Variants in EP400 observed in about 807,000 individuals in gnomAD.
The protein encoded by EP400 is E1A binding protein p400.
In EP400, 105 loss-of-function variants were observed where a neutral mutation model predicts 354.1. That is an observed-to-expected ratio of 0.30 (90% confidence interval 0.25 to 0.35). EP400 has a LOEUF of 0.35. Among genes scored for constraint, EP400 ranks in the 10% least tolerant of loss-of-function variants. The probability of loss-of-function intolerance (pLI) is 1.00; values close to 1 mark genes in which losing one functional copy is unlikely to be tolerated. For synonymous variants in EP400, 1,646 were observed against 1,716.9 expected (o/e 0.96, Z 1.02); for missense variants, 3,280 against 4,121.0 (o/e 0.80, Z 5.59).
rs993027551 is a variant in EP400, at chr12:132,050,382, A to G, written c.7260A>G (p.Thr2420=). The change falls in exon 40 of 53, where the codon ACA becomes ACG. Residue 2420 remains threonine, a synonymous_variant. Transcript: ENST00000389561. The surrounding 1 kb of genome is among the most constrained non-coding windows in gnomAD (Gnocchi z 4.8). ...TCTATGCCCAGGATGAGAATGCCAC[A>G]CACACCCAGCTGTACACGAGCCACT... ...SQIYAQDENA[T]HTQLYTSHFD... The G allele has an allele frequency of 1.1e-5, 18 of 1,613,996 alleles. No homozygotes were observed. In the African/African-American group the frequency reaches 2.1e-4, roughly 19 times the overall value.
chr12:132,048,179 A>G (rs1895173931), intron 39 of EP400, among the ~76,000 whole-genome samples: 1 of 152,182 alleles, frequency 6.6e-6, no homozygotes, highest in Non-Finnish European at 1.5e-5. Flanking sequence ...GGCGACATAC[A>G]TCCCCCTCAG....
chr12:132,077,323 A>G, intron 52 of EP400, 78 bp from the exon 53 acceptor site: 1 of 1,529,526 alleles, frequency 6.5e-7, no homozygotes. Flanking sequence ...AGTCCTCCCC[A>G]TCCCAAAGAA....
intron 39 of EP400, among the ~76,000 whole-genome samples, chr12:132,048,465 T>G (rs1476673520): frequency 6.6e-6 from 1 of 152,126 alleles, no homozygotes; most frequent in Non-Finnish European, 1.5e-5. Context: ...TTATAGCTGA[T>G]TTATGAAGCT....
In EP400 at chr12:132,006,169, C is replaced by T. The variant is rs773257391; in HGVS notation, c.2993C>T (p.Ser998Leu). The T allele has an allele frequency of 1.2e-6, 2 of 1,614,208 alleles. No homozygotes were observed. The highest frequency in any genetic ancestry group is 2.2e-5 in the South Asian group (2 of 91,088). ...CGCAAGGACTTGGTTCTCATCGACT[C>T]GCTTTTCATCATGGATCAGTTCAAA... Reference protein sequence around the residue: ...ESRKDLVLIDSLFIMDQFKAA... With the variant: ...ESRKDLVLIDLLFIMDQFKAA... The change falls in exon 14 of 53, where the codon TCG (serine) becomes TTG (leucine). Residue 998 changes from serine (S) to leucine (L), a missense_variant. Physicochemically the swap from Ser to Leu is moderately radical, Grantham distance 145. Transcript: ENST00000389561.
intron 45 of EP400, among the ~76,000 whole-genome samples, chr12:132,060,962 G>A (rs1386160735): frequency 2.0e-5 from 3 of 151,812 alleles, no homozygotes; most frequent in African/African-American, 4.8e-5. Flanking sequence ...AAAAACAAGG[G>A]CAAAATAAAG....
At chr12:131,972,711 C>G (rs1333335895) in intron 2 of EP400, among the ~76,000 whole-genome samples, 1 of 148,354 alleles carries the variant, frequency 6.7e-6, no homozygotes, top group East Asian at 2.0e-4. Flanking sequence ...ATAATTTTAT[C>G]ACCCTAACAC....
rs781471006 is a variant in EP400, at chr12:132,013,692, A to G, written c.3786+28A>G. On this transcript the variant is annotated intron_variant, in intron 18 of 52. Coordinates refer to ENST00000389561, the MANE Select transcript of EP400 (RefSeq NM_015409.5). The surrounding 1 kb of genome is among the most constrained non-coding windows in gnomAD (Gnocchi z 4.5). Reference sequence around the variant, plus strand: ...AGGTTGGGTTCTGCCATTTCAGTTAATTAATTAAACATGCGTATGCCTTGT... The same window carrying G: ...AGGTTGGGTTCTGCCATTTCAGTTAGTTAATTAAACATGCGTATGCCTTGT... The G allele has an allele frequency of 3.1e-6, 5 of 1,604,408 alleles. No individual in the cohort carries two copies. Among genetic ancestry groups the G allele is most frequent in the Non-Finnish European group, 4.3e-6 (5 of 1,173,996 alleles).
At chr12:131,985,001 A>T (rs1892806491) in intron 5 of EP400, among the ~76,000 whole-genome samples, 1 of 151,950 alleles carries the variant, frequency 6.6e-6, no homozygotes, top group Admixed American at 6.6e-5. Flanking sequence ...TATCTTATGC[A>T]TGCTTAGGCA....
At chr12:132,021,351 C>T in intron 23 of EP400, 30 bp downstream of exon 23, 1 of 1,488,492 alleles carries the variant, frequency 6.7e-7, no homozygotes, top group Non-Finnish European at 8.9e-7. Flanking sequence ...CAGGTTTCTG[C>T]CATCTCTCTA....
rs1895276707 is a variant in EP400 at position 132,051,210 on chromosome 12, T to C, written c.7394+555T>C. On this transcript the variant is annotated intron_variant, in intron 41 of 52. Coordinates refer to ENST00000389561, the MANE Select transcript of EP400 (RefSeq NM_015409.5). ...ACTGTCGGACTCTTTCCATAAAATG[T>C]TGGAAAGGAGGTCTGCTGGGATGAA... Among the ~76,000 whole-genome samples, 3 of 152,132 alleles carry C rather than the reference T, an allele frequency of 2.0e-5. No homozygotes were observed. In the South Asian group the frequency reaches 6.2e-4, roughly 32 times the overall value.
Position 132,053,446 on chromosome 12 carries a change from C to T in EP400, c.7577C>T (p.Pro2526Leu). 6.5e-7 allele frequency: 1 copy of T among 1,528,730 alleles called. No homozygotes were observed. The highest frequency in any genetic ancestry group is 8.7e-7 in the Non-Finnish European group (1 of 1,142,910). 94.7% of individuals were successfully genotyped at this position (1,528,730 alleles called of 1,614,324 possible). A position where few individuals can be genotyped will look rare whatever the true frequency, so the allele number is the denominator to read the frequency against. ...PPPQQPPPPLPQPQAAGSQPP... is the reference protein window; with the variant it reads ...PPPQQPPPPLLQPQAAGSQPP... ...CCGCAGCAGCCACCGCCACCGCTGC[C>T]ACAACCACAGGCAGCGGGCAGCCAG... The change falls in exon 43 of 53, where the codon CCA (proline) becomes CTA (leucine). Residue 2526 changes from proline to leucine, a missense_variant. By Grantham distance (98) the Pro-to-Leu change is moderately conservative. This residue lies in a region of EP400 where 255 missense variants were observed against 295.9 expected (regional missense o/e 0.86). Transcript: ENST00000389561.
rs749772439 is a variant in EP400 at position 132,066,927 on chromosome 12, G to A, written c.8707G>A (p.Ala2903Thr). The A allele has an allele frequency of 4.4e-6, 7 of 1,608,672 alleles. No individual in the cohort carries two copies. The highest frequency in any genetic ancestry group is 5.9e-6 in the Non-Finnish European group (7 of 1,177,500). Reference sequence around the variant, plus strand: ...AGTCACCACCCTGCCCATGAACGTCGCGGGGATCAGCGTGGCGATCGGTCA... The same window carrying A: ...AGTCACCACCCTGCCCATGAACGTCACGGGGATCAGCGTGGCGATCGGTCA... ...PGVTTLPMNV[A>T]GISVAIGQPQ... The change falls in exon 49 of 53, where the codon GCG (alanine) becomes ACG (threonine). Residue 2903 changes from alanine (A) to threonine (T), a missense_variant. By Grantham distance (58) the Ala-to-Thr change is moderately conservative (BLOSUM62 0). Transcript: ENST00000389561.
At chr12:132,055,428 GGTATGT>G (rs529584559) in intron 45 of EP400, among the ~76,000 whole-genome samples, 5 of 143,174 alleles carry the variant, frequency 3.5e-5, no homozygotes, top group Admixed American at 3.3e-4. Flanking sequence ...AATGAGGTGG[GGTATGT>G]GTGTGTGTGT....
chr12:132,030,019 A>G lies in EP400; in HGVS notation c.5615A>G (p.Gln1872Arg), dbSNP rs369081953. The change falls in exon 29 of 53, where the codon CAG (glutamine) becomes CGG (arginine). Residue 1872 changes from glutamine to arginine, a missense_variant. Physicochemically the swap from Gln to Arg is conservative, Grantham distance 43 (BLOSUM62 1). This residue lies in a region of EP400 where 459 missense variants were observed against 496.9 expected (regional missense o/e 0.92). Transcript: ENST00000389561. ...TTGGAAGCTTTAGCTATCTTGCTTC[A>G]GAAATTGAAATCTGAAGGACGTCGG... is the stretch of plus-strand genomic sequence containing the variant. ...GKLEALAILL[Q>R]KLKSEGRRVL... 3.1e-6 allele frequency: 5 copies of G among 1,614,154 alleles called. No homozygotes were observed. In the African/African-American group the frequency reaches 4.0e-5, roughly 13 times the overall value.
At chr12:131,951,483 G>C (rs1478662084) in intron 1 of EP400, among the ~76,000 whole-genome samples, 3 of 152,154 alleles carry the variant, frequency 2.0e-5, no homozygotes, top group Non-Finnish European at 4.4e-5. Context: ...GCCGGGACAC[G>C]TGGAAGTGTT....
At chr12:132,058,425 G>A (rs1895585666) in intron 45 of EP400, among the ~76,000 whole-genome samples, 1 of 151,138 alleles carries the variant, frequency 6.6e-6, no homozygotes, top group African/African-American at 2.4e-5. Context: ...TGCGATCTCG[G>A]CTCACTGCAA....
At chr12:131,963,483 C>A in intron 2 of EP400, 1 of 1,368,112 alleles carries the variant, frequency 7.3e-7, no homozygotes, top group Non-Finnish European at 1.0e-6. Flanking sequence ...AAATTTTGAG[C>A]AGTTGTAAAA....
intron 39 of EP400, among the ~76,000 whole-genome samples, chr12:132,047,060 C>A (rs1386538199): frequency 6.6e-6 from 1 of 152,230 alleles, no homozygotes; most frequent in Non-Finnish European, 1.5e-5. Flanking sequence ...AACATTTTCT[C>A]CATAGTAGCC....
At position 131,987,904 on chromosome 12, in the gene EP400, C is replaced by T. The variant is rs1181429919; in HGVS notation, c.2409+14C>T. On this transcript the variant is annotated intron_variant, in intron 7 of 52. Transcript: ENST00000389561. ...GCTGCGAAGAAGGTGGGTTGGAATGCGTGGAGCTGCTGTGCTGTGTGCGTT... is the reference window on the plus strand; with the variant it reads ...GCTGCGAAGAAGGTGGGTTGGAATGTGTGGAGCTGCTGTGCTGTGTGCGTT... The T allele has an allele frequency of 3.2e-6, 5 of 1,562,050 alleles. No individual in the cohort carries two copies. The highest frequency in any genetic ancestry group is 4.3e-6 in the Non-Finnish European group (5 of 1,149,858).
Sources: allele counts gnomAD v4.1 joint callset (sites outside exome capture counted in the v4.1 genomes callset), GRCh38; gene constraint gnomAD v4.1.1; regional missense constraint gnomAD v4.1.1; non-coding constraint Gnocchi (gnomAD v3.1); transcripts MANE v1.5; gene names NCBI Gene and HGNC (gene_info 2026-07-23, HGNC 2026-07-21).